NTM: variants seen among roughly 807,000 people sequenced by gnomAD.
The protein encoded by NTM is IgLON family member 2.
Under a neutral mutation model 42.1 loss-of-function variants are expected in NTM, and 13 were observed. The ratio of observed to expected loss-of-function variants is 0.31; its 90% CI spans 0.20 to 0.49. NTM has a LOEUF of 0.49. Among genes scored for constraint, NTM ranks in the 20% least tolerant of loss-of-function variants. NTM has a pLI of 0.99. For missense variants in NTM, 373 were observed against 452.8 expected (o/e 0.82, Z 1.60); for synonymous variants, 187 against 179.2 (o/e 1.04, Z -0.35).
At chr11:132,221,897 G>A (rs1358821305) in intron 4 of NTM, among the ~76,000 whole-genome samples, 2 of 152,114 alleles carry the variant, frequency 1.3e-5, no homozygotes, top group Non-Finnish European at 2.9e-5. Context: ...AATCCATATT[G>A]TTAATGCATA....
At chr11:132,080,000 A>C (rs2058833376) in intron 2 of NTM, among the ~76,000 whole-genome samples, 1 of 152,224 alleles carries the variant, frequency 6.6e-6, no homozygotes, top group Admixed American at 6.5e-5. Context: ...ATAAAAAACA[A>C]ATATGGATTT....
intron 4 of NTM, among the ~76,000 whole-genome samples, chr11:132,244,774 A>T (rs973425738): frequency 6.6e-6 from 1 of 152,196 alleles, no homozygotes; most frequent in Non-Finnish European, 1.5e-5. Flanking sequence ...TTCTGCAGCC[A>T]GTGTGGTGGG....
intron 2 of NTM, among the ~76,000 whole-genome samples, chr11:131,994,044 C>T (rs1316544425): frequency 6.9e-6 from 1 of 145,532 alleles, no homozygotes; most frequent in Non-Finnish European, 1.5e-5. Flanking sequence ...AGAACAAAGA[C>T]ATAAACAGCA....
chr11:132,087,419 C>A (rs991718375), intron 2 of NTM, among the ~76,000 whole-genome samples: 11 of 152,162 alleles, frequency 7.2e-5, no homozygotes, highest in African/African-American at 2.7e-4. Context: ...CTACTGTTGT[C>A]ATCTCCCTCT....
intron 1 of NTM, among the ~76,000 whole-genome samples, chr11:131,561,075 G>T (rs1031317191): frequency 2.0e-5 from 3 of 152,228 alleles, no homozygotes; most frequent in Non-Finnish European, 4.4e-5. Context: ...GTCAGAAGTG[G>T]CTGCAGGTGC....
chr11:132,004,365 A>G (rs1461225952), intron 2 of NTM, among the ~76,000 whole-genome samples: 2 of 152,226 alleles, frequency 1.3e-5, no homozygotes, highest in Non-Finnish European at 2.9e-5. Flanking sequence ...AAAAAGTAGA[A>G]GCTGGTTTCC....
intron 1 of NTM, among the ~76,000 whole-genome samples, chr11:131,670,377 T>G (rs898396712): frequency 2.0e-5 from 3 of 152,136 alleles, no homozygotes; most frequent in African/African-American, 7.2e-5. Context: ...CTTCCTTCCT[T>G]CCTTTCTTTC....
intron 1 of NTM, among the ~76,000 whole-genome samples, chr11:131,755,364 C>A (rs1056103425): frequency 2.6e-5 from 4 of 152,068 alleles, no homozygotes; most frequent in Admixed American, 6.5e-5. Context: ...GAAGGGAGAA[C>A]AATGACCTTC....
chr11:132,074,061 A>C (rs2058053342), intron 2 of NTM, among the ~76,000 whole-genome samples: 1 of 152,228 alleles, frequency 6.6e-6, no homozygotes, highest in African/African-American at 2.4e-5. Context: ...AGAAAGATTT[A>C]TCTCTCAGCA....
intron 1 of NTM, among the ~76,000 whole-genome samples, chr11:131,839,182 G>A (rs935126321): frequency 1.3e-5 from 2 of 151,974 alleles, no homozygotes; most frequent in African/African-American, 2.4e-5. Flanking sequence ...GACTGGTCTC[G>A]AACTCCTGAC....
At chr11:132,005,826 T>C (rs965328452) in intron 2 of NTM, among the ~76,000 whole-genome samples, 10 of 152,190 alleles carry the variant, frequency 6.6e-5, no homozygotes, top group African/African-American at 2.4e-4. Context: ...TCACCTAGAC[T>C]TAACAAACTA....
chr11:131,656,701 G>A (rs1164373184), intron 1 of NTM, among the ~76,000 whole-genome samples: 3 of 152,132 alleles, frequency 2.0e-5, no homozygotes, highest in Non-Finnish European at 4.4e-5. Flanking sequence ...GCACTACCTC[G>A]TTCTGCCCCT....
intron 2 of NTM, among the ~76,000 whole-genome samples, chr11:131,999,676 G>A (rs762908068): frequency 5.3e-5 from 8 of 152,194 alleles, no homozygotes; most frequent in Admixed American, 1.3e-4. Context: ...CCTCTGTTTT[G>A]AAGAGCCTTG....
At chr11:132,166,161 G>GAC (rs2075246847) in intron 3 of NTM, among the ~76,000 whole-genome samples, 1 of 152,124 alleles carries the variant, frequency 6.6e-6, no homozygotes, top group Non-Finnish European at 1.5e-5. Flanking sequence ...ACAGACAGCA[G>GAC]CTCAGCAAAA....
intron 2 of NTM, among the ~76,000 whole-genome samples, chr11:132,055,222 G>A (rs1435670456): frequency 6.6e-6 from 1 of 152,142 alleles, no homozygotes; most frequent in Non-Finnish European, 1.5e-5. Context: ...ATTTGTTTTA[G>A]GATAATGAAC....
At chr11:132,330,611 G>A (rs1217192536) in intron 8 of NTM, among the ~76,000 whole-genome samples, 1 of 152,174 alleles carries the variant, frequency 6.6e-6, no homozygotes, top group African/African-American at 2.4e-5. Context: ...GGCAAGGGGA[G>A]GGGAAGATGG....
intron 1 of NTM, among the ~76,000 whole-genome samples, chr11:131,684,928 G>A (rs78665312): frequency 2.1e-3 from 325 of 152,316 alleles, no homozygotes; most frequent in African/African-American, 7.5e-3. Flanking sequence ...GGGTGAGTGA[G>A]CCCCCACTAG....
chr11:131,561,337 A>G (rs867687711), intron 1 of NTM, among the ~76,000 whole-genome samples: 9 of 152,356 alleles, frequency 5.9e-5, no homozygotes, highest in Middle Eastern at 6.8e-3. Flanking sequence ...ACAGCTTAGC[A>G]GTTGGCCCTA....
chr11:131,805,025 A>T (rs1164339183), intron 1 of NTM, among the ~76,000 whole-genome samples: 1 of 152,178 alleles, frequency 6.6e-6, no homozygotes, highest in Non-Finnish European at 1.5e-5. Flanking sequence ...AGCCTCCAGA[A>T]CTGTGAGAAA....
Sources: gnomAD v4.1 joint callset for allele counts (sites outside exome capture counted in the v4.1 genomes callset) on GRCh38, gnomAD v4.1.1 for gene constraint, MANE v1.5 for transcripts, NCBI Gene and HGNC (gene_info 2026-07-23, HGNC 2026-07-21) for gene names.